DMD: variants seen among roughly 807,000 people sequenced by gnomAD.
DMD encodes the protein mutant dystrophin.
In DMD, 63 loss-of-function variants were observed where a neutral mutation model predicts 330.1. That is an observed-to-expected ratio of 0.19 (90% CI 0.16 to 0.24). The LOEUF is 0.24. DMD is among the 10% of genes least tolerant of loss of function. DMD has a pLI of 1.00. For missense variants in DMD, 3,344 were observed against 2,684.1 expected, an observed-to-expected ratio of 1.25 and a Z score of -5.43; for synonymous variants, 1,223 against 959.8, an observed-to-expected ratio of 1.27 and a Z score of -5.07.
chrX:32,206,485 G>A (rs2097069914), intron 44 of DMD: 12 of 559,169 alleles, frequency 2.1e-5, no homozygotes, highest in South Asian at 9.0e-5. Context: ...AAGTCAAATC[G>A]GAATGGAAAA....
intron 47 of DMD, among the ~76,000 whole-genome samples, chrX:31,892,803 G>A (rs1011808037): frequency 4.5e-5 from 5 of 112,118 alleles, no homozygotes; most frequent in African/African-American, 9.7e-5. Flanking sequence ...GATCACCAGT[G>A]TATATATAGT....
chrX:31,361,691 T>G (rs1380291808), intron 60 of DMD, among the ~76,000 whole-genome samples: 2 of 111,518 alleles, frequency 1.8e-5, no homozygotes, highest in Non-Finnish European at 3.8e-5. Context: ...CAGAGATTCC[T>G]GAGATTTCAA....
intron 1 of DMD, among the ~76,000 whole-genome samples, chrX:33,123,905 C>T (rs1389359407): frequency 1.8e-5 from 2 of 110,267 alleles, no homozygotes; most frequent in Non-Finnish European, 3.8e-5. Context: ...TGAGTCACTC[C>T]TATAATCCCA....
chrX:31,762,349 T>C (rs1275716738), intron 51 of DMD, among the ~76,000 whole-genome samples: 1 of 111,418 alleles, frequency 9.0e-6, no homozygotes, highest in East Asian at 2.8e-4. Context: ...GGCAGGCAGA[T>C]CATGAGGTCA....
At chrX:32,827,149 C>T (rs2078781993) in intron 4 of DMD, among the ~76,000 whole-genome samples, 1 of 104,369 alleles carries the variant, frequency 9.6e-6, no homozygotes, top group African/African-American at 3.6e-5. Flanking sequence ...TTATCTATAT[C>T]CACAGGAAAA....
intron 13 of DMD, among the ~76,000 whole-genome samples, chrX:32,579,752 A>G (rs970360232): frequency 1.8e-5 from 2 of 113,076 alleles, no homozygotes; most frequent in Non-Finnish European, 3.7e-5. Context: ...TTGCACTTCC[A>G]GATTAAGAAC....
intron 52 of DMD, among the ~76,000 whole-genome samples, chrX:31,682,596 G>T (rs1467003871): frequency 1.8e-5 from 2 of 112,178 alleles, no homozygotes; most frequent in Non-Finnish European, 3.8e-5. Flanking sequence ...ATCATAGCAG[G>T]CTACTTTAGT....
intron 43 of DMD, among the ~76,000 whole-genome samples, chrX:32,258,848 A>T (rs907306111): frequency 9.0e-6 from 1 of 111,198 alleles, no homozygotes; most frequent in African/African-American, 3.3e-5. Context: ...ATATTTTGTC[A>T]TTGTTTTGAA....
rs143213066 is a variant in DMD at position 32,765,530 on chromosome X, A to G, written c.649+43963T>C. The stretch of plus-strand genomic sequence containing the variant: ...ATTAAACCTCTTTTCTTTATAATTT[A>G]CCCAGTTTCAGATATTTCTTTAGAG... On this transcript the variant is annotated intron_variant, in intron 7 of 78. Transcript: ENST00000357033. 3.6e-3 allele frequency among the ~76,000 whole-genome samples: 397 copies of G among 111,202 alleles called. 2 individuals carry two copies. Among genetic ancestry groups the G allele is most frequent in the African/African-American group, 0.012 (382 of 30,598 alleles).
At chrX:31,508,104 G>T in intron 55 of DMD, 1 of 603,727 alleles carries the variant, frequency 1.7e-6, no homozygotes. Flanking sequence ...TTGACAGGTG[G>T]AAAGTACATA....
Position 32,849,590 on chromosome X carries a change from T to A in DMD, c.186+138A>T, listed in dbSNP as rs578157250. 5.8e-4 allele frequency: 271 copies of A among 464,518 alleles called. 4 individuals are homozygous for A. In the South Asian group the frequency reaches 9.5e-3, roughly 16 times the overall value. 38.3% of individuals were successfully genotyped at this position (464,518 alleles called of 1,213,427 possible). ...ATGCCAAATGAAAATCATACGAGGT[T>A]GCTTTACTAAGGAATAGGTATTGCT... On this transcript the variant is annotated intron_variant, in intron 3 of 78. Coordinates refer to ENST00000357033, the MANE Select transcript of DMD (RefSeq NM_004006.3).
intron 67 of DMD, among the ~76,000 whole-genome samples, chrX:31,187,779 G>C (rs973598387): frequency 1.4e-5 from 1 of 73,350 alleles, no homozygotes; most frequent in Non-Finnish European, 2.8e-5. Context: ...GAGAGAGAGA[G>C]AGAGAGAGAA....
intron 7 of DMD, among the ~76,000 whole-genome samples, chrX:32,722,191 GA>G (rs985431992): frequency 2.1e-4 from 23 of 109,944 alleles, no homozygotes; most frequent in African/African-American, 7.6e-4. Flanking sequence ...ATGCCATTTA[GA>G]TTTTCACAGG....
At chrX:33,073,556 C>T (rs942083773) in intron 1 of DMD, among the ~76,000 whole-genome samples, 2 of 111,380 alleles carry the variant, frequency 1.8e-5, no homozygotes, top group Admixed American at 9.6e-5. Flanking sequence ...GGCAGGTGGG[C>T]GTGGTGGCTC....
At chrX:32,361,675 T>G (rs997801319) in intron 37 of DMD, among the ~76,000 whole-genome samples, 3 of 111,754 alleles carry the variant, frequency 2.7e-5, no homozygotes, top group African/African-American at 9.7e-5. Flanking sequence ...TGAGACACTG[T>G]AATGCCTTAG....
At chrX:32,214,031 T>G (rs1193251086) in intron 44 of DMD, among the ~76,000 whole-genome samples, 2 of 111,152 alleles carry the variant, frequency 1.8e-5, no homozygotes, top group Non-Finnish European at 3.8e-5. Flanking sequence ...CAGTTTCAAC[T>G]AAACCACACT....
chrX:31,139,345 T>C (rs1371010858), intron 76 of DMD, among the ~76,000 whole-genome samples: 2 of 111,572 alleles, frequency 1.8e-5, no homozygotes, highest in East Asian at 5.6e-4. Context: ...GAAGTCATTA[T>C]GTGAAAAATA....
intron 62 of DMD, among the ~76,000 whole-genome samples, chrX:31,294,046 A>G (rs1368007480): frequency 7.1e-5 from 8 of 112,282 alleles, no homozygotes. Context: ...AATATTTTCC[A>G]AAGCTTAGAT....
intron 7 of DMD, among the ~76,000 whole-genome samples, chrX:32,795,982 G>C (rs1224364877): frequency 9.0e-6 from 1 of 111,221 alleles, no homozygotes; most frequent in African/African-American, 3.3e-5. Context: ...AACGAAAAGG[G>C]AACTCTTAAT....
Sources: allele counts gnomAD v4.1 joint callset (sites outside exome capture counted in the v4.1 genomes callset), GRCh38; gene constraint gnomAD v4.1.1; transcripts MANE v1.5; gene names NCBI Gene and HGNC (gene_info 2026-07-23, HGNC 2026-07-21).